Variants in GPRIN3 observed in about 807,000 individuals in gnomAD.
GPRIN3 encodes the protein GPRIN family member 3, also known as G protein-regulated inducer of neurite outgrowth 3.
Under a neutral mutation model 13.7 loss-of-function variants are expected in GPRIN3, and 12 were observed. The ratio of observed to expected loss-of-function variants is 0.87; its 90% CI spans 0.56 to 1.42. The LOEUF (loss-of-function observed/expected upper bound fraction) is 1.42. GPRIN3 is among the 40% of genes most tolerant of loss of function. The probability of loss-of-function intolerance (pLI) is 0.00; values close to 1 mark genes in which losing one functional copy is unlikely to be tolerated. For missense variants in GPRIN3, 1,009 were observed against 958.7 expected (o/e 1.05, Z -0.69); for synonymous variants, 377 against 372.7 (o/e 1.01, Z -0.13).
chr4:89,274,375 A>G (rs1724039101), intron 1 of GPRIN3, among the ~76,000 whole-genome samples: 1 of 152,194 alleles, frequency 6.6e-6, no homozygotes, highest in Non-Finnish European at 1.5e-5. Flanking sequence ...TTCTCAAAGT[A>G]TAGTTCCTGG....
At chr4:89,298,673 ATG>A (rs1331329439) in intron 1 of GPRIN3, among the ~76,000 whole-genome samples, 3 of 150,472 alleles carry the variant, frequency 2.0e-5, no homozygotes. Context: ...ATATATATAT[ATG>A]TATATATATA....
At chr4:89,279,227 T>C (rs1429463868) in intron 1 of GPRIN3, among the ~76,000 whole-genome samples, 2 of 152,236 alleles carry the variant, frequency 1.3e-5, no homozygotes, top group African/African-American at 2.4e-5. Flanking sequence ...TAGCTCATAA[T>C]AGCAGTTGTG....
At chr4:89,287,135 C>A (rs1724444506) in intron 1 of GPRIN3, among the ~76,000 whole-genome samples, 1 of 152,048 alleles carries the variant, frequency 6.6e-6, no homozygotes, top group Admixed American at 6.6e-5. Context: ...TCTGTGGGGG[C>A]TATACAAACA....
intron 1 of GPRIN3, among the ~76,000 whole-genome samples, chr4:89,291,663 C>T (rs1467807984): frequency 6.6e-6 from 1 of 152,084 alleles, no homozygotes; most frequent in Non-Finnish European, 1.5e-5. Context: ...TAGGTTTTCT[C>T]ATCACTTAGC....
chr4:89,262,283 A>T (rs1470944824), intron 1 of GPRIN3, among the ~76,000 whole-genome samples: 2 of 152,168 alleles, frequency 1.3e-5, no homozygotes, highest in African/African-American at 2.4e-5. Flanking sequence ...GAAGAGAAAA[A>T]TGAGTATCTT....
chr4:89,246,183 A>T lies in GPRIN3; in HGVS notation c.*1597T>A, dbSNP rs1723092729. On this transcript the variant is annotated 3_prime_UTR_variant, in exon 2 of 2. Coordinates refer to ENST00000609438, the MANE Select transcript of GPRIN3 (RefSeq NM_198281.3). ...CAGATACTGTGAATTGACTGTACCC[A>T]CGGGACACATGAGTCTCTAGAGAGA... 1 of 152,210 alleles carries T rather than the reference A, an allele frequency of 6.6e-6. No individual in the cohort carries two copies. Among genetic ancestry groups the T allele is most frequent in the Non-Finnish European group, 1.5e-5 (1 of 68,044 alleles). The allele number at this position is 152,210 out of a possible 1,614,324, so 9.4% of individuals were successfully genotyped here.
intron 1 of GPRIN3, among the ~76,000 whole-genome samples, chr4:89,297,291 C>A (rs973036247): frequency 6.6e-6 from 1 of 152,182 alleles, no homozygotes; most frequent in Non-Finnish European, 1.5e-5. Context: ...AGCCTTCACT[C>A]ATTTCCTTTG....
In GPRIN3 at chr4:89,248,177, T is replaced by G; in HGVS notation, c.1934A>C (p.Gln645Pro). Reference protein sequence around the residue: ...PSRVSEFLKEQKLNVTAAAAQ... With the variant: ...PSRVSEFLKEPKLNVTAAAAQ... ...AGCAGCTGCTGTCACATTTAACTTT[T>G]GCTCCTTGAGGAACTCGCTGACGCG... The change falls in exon 2 of 2, where the codon CAA (glutamine) becomes CCA (proline). Residue 645 changes from glutamine (Q) to proline (P), a missense_variant. Transcript: ENST00000609438. The G allele has an allele frequency of 6.2e-7, 1 of 1,614,188 alleles. No individual in the cohort carries two copies. The highest frequency in any genetic ancestry group is 8.5e-7 in the Non-Finnish European group (1 of 1,180,016).
At chr4:89,250,343 C>A in intron 1 of GPRIN3, 110 bp from the exon 2 acceptor site, 1 of 568,224 alleles carries the variant, frequency 1.8e-6, no homozygotes, top group Non-Finnish European at 2.7e-6. Context: ...CTTCCCATAC[C>A]TGTTGATATA....
intron 1 of GPRIN3, among the ~76,000 whole-genome samples, chr4:89,280,903 C>A (rs1045016454): frequency 8.5e-5 from 13 of 152,116 alleles, no homozygotes; most frequent in Non-Finnish European, 1.9e-4. Flanking sequence ...GCTATTCCTG[C>A]ATTGCTATAA....
At position 89,244,151 on chromosome 4, in the gene GPRIN3, T is replaced by C. The variant is rs1723022645; in HGVS notation, c.*3629A>G. 6.6e-6 allele frequency: 1 copy of C among 152,156 alleles called. No homozygotes were observed. Among genetic ancestry groups the C allele is most frequent in the South Asian group, 2.1e-4 (1 of 4,826 alleles). 9.4% of individuals were successfully genotyped at this position (152,156 alleles called of 1,614,324 possible). A position where few individuals can be genotyped will look rare whatever the true frequency, so the allele number is the denominator to read the frequency against. ...AAACATTAGTATAAGCTAGGAACAG[T>C]GAAACCTCAATATGCTAGAATACAA... On this transcript the variant is annotated 3_prime_UTR_variant, in exon 2 of 2. Coordinates refer to ENST00000609438, the MANE Select transcript of GPRIN3 (RefSeq NM_198281.3).
chr4:89,291,808 C>T (rs1194904697), intron 1 of GPRIN3, among the ~76,000 whole-genome samples: 1 of 147,404 alleles, frequency 6.8e-6, no homozygotes, highest in Middle Eastern at 3.6e-3. Flanking sequence ...CATATCCTTA[C>T]CAACACTTGG....
At chr4:89,305,088 T>G (rs1185902219) in intron 1 of GPRIN3, among the ~76,000 whole-genome samples, 3 of 152,224 alleles carry the variant, frequency 2.0e-5, no homozygotes, top group Non-Finnish European at 4.4e-5. Flanking sequence ...CCAGATGAGT[T>G]GGCAGGCCTT....
intron 1 of GPRIN3, among the ~76,000 whole-genome samples, chr4:89,296,506 C>T (rs1320004360): frequency 6.6e-6 from 1 of 152,088 alleles, no homozygotes; most frequent in East Asian, 1.9e-4. Context: ...TAGCTGTAAG[C>T]TGTAATAAGG....
At chr4:89,278,047 G>A (rs997024613) in intron 1 of GPRIN3, among the ~76,000 whole-genome samples, 1 of 152,052 alleles carries the variant, frequency 6.6e-6, no homozygotes, top group Non-Finnish European at 1.5e-5. Flanking sequence ...ATATTGCTGT[G>A]TAACAGACTA....
chr4:89,287,073 A>G (rs191263863), intron 1 of GPRIN3, among the ~76,000 whole-genome samples: 10 of 152,314 alleles, frequency 6.6e-5, no homozygotes, highest in South Asian at 2.1e-4. Context: ...AAAACAAATG[A>G]ATTCAAGAAC....
Position 89,247,824 on chromosome 4 carries a change from G to A in GPRIN3, c.2287C>T (p.Pro763Ser), listed in dbSNP as rs762749304. ...FQSMLQNFRR[P>S]NCCVRPAPSS... Reference sequence around the variant, plus strand: ...GGGGCAGGACGGACGCAGCAGTTGGGGCGTCGGAAGTTCTGCAGCATGGAC... The same window carrying A: ...GGGGCAGGACGGACGCAGCAGTTGGAGCGTCGGAAGTTCTGCAGCATGGAC... The change falls in exon 2 of 2, where the codon CCC (proline) becomes TCC (serine). Residue 763 changes from proline (P) to serine (S), a missense_variant. Coordinates refer to ENST00000609438, the MANE Select transcript of GPRIN3 (RefSeq NM_198281.3). 15 of 1,613,782 alleles carry A rather than the reference G, an allele frequency of 9.3e-6. No individual in the cohort carries two copies. In the Admixed American group the frequency reaches 1.8e-4, roughly 20 times the overall value.
intron 1 of GPRIN3, among the ~76,000 whole-genome samples, chr4:89,256,780 A>G (rs904142858): frequency 6.6e-6 from 1 of 152,238 alleles, no homozygotes; most frequent in African/African-American, 2.4e-5. Context: ...TAGCTCCTGC[A>G]AAGACCCTCA....
chr4:89,249,312 G>T lies in GPRIN3; in HGVS notation c.799C>A (p.Pro267Thr), dbSNP rs944996023. Residue 267 changes from proline to threonine, a missense_variant, in exon 2 of 2, where the codon CCA becomes ACA. Transcript: ENST00000609438. ...PQGTTSVTPQPTPLTSEPSAC... is the reference protein window; with the variant it reads ...PQGTTSVTPQTTPLTSEPSAC... The stretch of plus-strand genomic sequence containing the variant: ...GAAGGTTCGCTAGTGAGGGGGGTTG[G>T]TTGAGGTGTCACAGAAGTTGTGCCT... The T allele has an allele frequency of 2.1e-5, 34 of 1,614,024 alleles. No homozygotes were observed. Among genetic ancestry groups the T allele is most frequent in the Non-Finnish European group, 2.9e-5 (34 of 1,180,030 alleles).
Sources: gnomAD v4.1 joint callset for allele counts (sites outside exome capture counted in the v4.1 genomes callset) on GRCh38, gnomAD v4.1.1 for gene constraint, MANE v1.5 for transcripts, NCBI Gene and HGNC (gene_info 2026-07-23, HGNC 2026-07-21) for gene names.